FRMD4A: variants seen among roughly 807,000 people sequenced by gnomAD.
FRMD4A encodes the protein FERM domain containing 4A, also known as FERM domain-containing protein 4A.
In FRMD4A, 29 loss-of-function variants were observed where a neutral mutation model predicts 129.1. That is an observed-to-expected ratio of 0.22 (90% CI 0.17 to 0.31). FRMD4A has a LOEUF of 0.31. FRMD4A is among the 10% of genes least tolerant of loss of function. The probability of loss-of-function intolerance (pLI) is 1.00; values close to 1 mark genes in which losing one functional copy is unlikely to be tolerated. For missense variants in FRMD4A, 1,272 were observed against 1,375.8 expected (o/e 0.92, Z 1.19); for synonymous variants, 634 against 571.6 (o/e 1.11, Z -1.56).
At chr10:14,232,985 G>GA (rs987735693) in intron 2 of FRMD4A, among the ~76,000 whole-genome samples, 15 of 150,894 alleles carry the variant, frequency 9.9e-5, no homozygotes, top group East Asian at 3.9e-4. Context: ...TGTAGAGTAG[G>GA]AAAAAAAAAT....
intron 2 of FRMD4A, among the ~76,000 whole-genome samples, chr10:14,016,533 C>T (rs2095699687): frequency 6.6e-6 from 1 of 152,188 alleles, no homozygotes. Flanking sequence ...TGCCTGAATT[C>T]CTTAAAGGCC....
At chr10:13,902,857 AC>A (rs1236718213) in intron 2 of FRMD4A, among the ~76,000 whole-genome samples, 454 of 150,526 alleles carry the variant, frequency 3.0e-3, no homozygotes, top group Non-Finnish European at 4.8e-3. Context: ...AAAAAAAAAA[AC>A]AACAACAAAC....
At chr10:14,190,834 G>A (rs1289826900) in intron 2 of FRMD4A, among the ~76,000 whole-genome samples, 4 of 152,240 alleles carry the variant, frequency 2.6e-5, no homozygotes, top group Non-Finnish European at 5.9e-5. Flanking sequence ...GGGATAAGCA[G>A]GTGACTGATG....
chr10:14,234,978 T>G (rs970654037), intron 2 of FRMD4A, among the ~76,000 whole-genome samples: 2 of 152,170 alleles, frequency 1.3e-5, no homozygotes, highest in Non-Finnish European at 2.9e-5. Flanking sequence ...AACTGTACTT[T>G]TGTAGTGCTC....
chr10:13,750,306 T>C (rs1011574351), intron 8 of FRMD4A, among the ~76,000 whole-genome samples: 1 of 152,164 alleles, frequency 6.6e-6, no homozygotes, highest in African/African-American at 2.4e-5. Flanking sequence ...ACAGATCAAC[T>C]GATAATCAAT....
intron 2 of FRMD4A, among the ~76,000 whole-genome samples, chr10:14,038,301 C>A (rs1588843874): frequency 6.6e-6 from 1 of 151,864 alleles, no homozygotes; most frequent in Non-Finnish European, 1.5e-5. Context: ...CCAGCCTGGG[C>A]GACAAAGCGA....
At position 13,899,058 on chromosome 10, in the gene FRMD4A, G is replaced by T. The variant is rs149040523; in HGVS notation, c.46-40146C>A. ...AAAATTAGCTGGGTTTGCACCTGTA[G>T]TCTCAGCTACTTGGGAGGATGCGGT... On this transcript the variant is annotated intron_variant, in intron 2 of 24. Transcript: ENST00000357447. 6.2e-4 allele frequency among the ~76,000 whole-genome samples: 95 copies of T among 152,128 alleles called. 1 individual carries two copies. The highest frequency in any genetic ancestry group is 2.3e-3 in the African/African-American group (94 of 41,500).
chr10:13,696,137 A>T (rs1404628433), intron 14 of FRMD4A, among the ~76,000 whole-genome samples: 1 of 152,154 alleles, frequency 6.6e-6, no homozygotes, highest in African/African-American at 2.4e-5. Context: ...TCCTCAGGCG[A>T]ATTTCCTTGT....
chr10:13,954,217 A>C (rs748857981), intron 2 of FRMD4A, among the ~76,000 whole-genome samples: 5 of 152,174 alleles, frequency 3.3e-5, no homozygotes, highest in Non-Finnish European at 4.4e-5. Flanking sequence ...CTCGGTGGCT[A>C]TATTAGTCTG....
At chr10:13,968,853 G>A (rs865894766) in intron 2 of FRMD4A, among the ~76,000 whole-genome samples, 1 of 152,100 alleles carries the variant, frequency 6.6e-6, no homozygotes, top group Non-Finnish European at 1.5e-5. Flanking sequence ...TTTTTTTGAG[G>A]GGGGAGTGAA....
intron 2 of FRMD4A, among the ~76,000 whole-genome samples, chr10:14,327,660 A>T (rs1291061574): frequency 1.3e-5 from 2 of 152,208 alleles, no homozygotes; most frequent in African/African-American, 2.4e-5. Context: ...GTGTCTCCTT[A>T]TCCAAAAGCA....
intron 2 of FRMD4A, among the ~76,000 whole-genome samples, chr10:14,184,088 T>A (rs1841994149): frequency 6.6e-6 from 1 of 151,310 alleles, no homozygotes; most frequent in African/African-American, 2.4e-5. Flanking sequence ...AGCGCTTACA[T>A]CTTAACACAT....
chr10:13,886,204 C>G (rs1345678430), intron 2 of FRMD4A, among the ~76,000 whole-genome samples: 1 of 144,480 alleles, frequency 6.9e-6, no homozygotes, highest in East Asian at 2.1e-4. Context: ...CATTATCAAT[C>G]TAATTCCCCA....
chr10:13,762,768 A>T (rs956970737), intron 6 of FRMD4A, 88 bp from the exon 7 acceptor site: 2 of 803,340 alleles, frequency 2.5e-6, no homozygotes, highest in Non-Finnish European at 2.1e-6. Context: ...CTTCTTCGGG[A>T]GGATTACTTG....
At chr10:14,261,114 G>A (rs947696226) in intron 2 of FRMD4A, among the ~76,000 whole-genome samples, 1 of 152,316 alleles carries the variant, frequency 6.6e-6, no homozygotes, top group East Asian at 1.9e-4. Flanking sequence ...AGCAGTCTAT[G>A]GTGTCTTTGA....
chr10:14,250,382 G>A (rs1180791882), intron 2 of FRMD4A, among the ~76,000 whole-genome samples: 3 of 152,226 alleles, frequency 2.0e-5, no homozygotes, highest in African/African-American at 7.2e-5. Flanking sequence ...GAAATACCTG[G>A]TGAAAATGGC....
intron 2 of FRMD4A, among the ~76,000 whole-genome samples, chr10:14,057,796 C>T (rs558641457): frequency 6.6e-6 from 1 of 152,210 alleles, no homozygotes; most frequent in Non-Finnish European, 1.5e-5. Context: ...TCTCAAACTC[C>T]TGACCTCAGG....
intron 2 of FRMD4A, among the ~76,000 whole-genome samples, chr10:14,294,849 A>G (rs1382198904): frequency 1.3e-5 from 2 of 152,176 alleles, no homozygotes; most frequent in East Asian, 3.9e-4. Flanking sequence ...GAGCGTGTCT[A>G]TTATTGCGTC....
At chr10:14,129,032 C>A (rs1042185813) in intron 2 of FRMD4A, among the ~76,000 whole-genome samples, 5 of 152,050 alleles carry the variant, frequency 3.3e-5, no homozygotes, top group Non-Finnish European at 7.4e-5. Context: ...CAAGCTTATG[C>A]AAATTCACAT....
Sources: gnomAD v4.1 joint callset for allele counts (sites outside exome capture counted in the v4.1 genomes callset) on GRCh38, gnomAD v4.1.1 for gene constraint, MANE v1.5 for transcripts, NCBI Gene and HGNC (gene_info 2026-07-23, HGNC 2026-07-21) for gene names.